The following AP1AR variants were observed in gnomAD, a reference collection of about 807,000 sequenced individuals.
AP1AR encodes AP-1 complex-associated regulatory protein.
A neutral mutation model predicts 46.3 loss-of-function variants in AP1AR; 29 were observed. The ratio of observed to expected loss-of-function variants is 0.63; its 90% CI spans 0.47 to 0.85. AP1AR has a LOEUF of 0.85. AP1AR is among the 40% of genes least tolerant of loss of function. AP1AR has a pLI of 0.00. For missense variants in AP1AR, 357 were observed against 356.3 expected (o/e 1.00, Z -0.02); for synonymous variants, 122 against 122.9 (o/e 0.99, Z 0.05).
chr4:112,258,076 G>A (rs891235780), intron 4 of AP1AR, among the ~76,000 whole-genome samples: 1 of 151,934 alleles, frequency 6.6e-6, no homozygotes, highest in Non-Finnish European at 1.5e-5. Context: ...TGATAAGTAC[G>A]TTTCTTTTAA....
intron 6 of AP1AR, 67 bp from the exon 7 acceptor site, chr4:112,264,942 A>G: frequency 3.3e-6 from 4 of 1,226,636 alleles, no homozygotes; most frequent in Non-Finnish European, 4.6e-6. Context: ...TTGGTGTTGC[A>G]TGAGTGGTTT....
At position 112,268,693 on chromosome 4, in the gene AP1AR, T is replaced by C; in HGVS notation, c.*284T>C. On this transcript the variant is annotated 3_prime_UTR_variant, in exon 10 of 10. Coordinates refer to ENST00000274000, the MANE Select transcript of AP1AR (RefSeq NM_018569.6). ...GTCTTTATAGCATTTCTGTTTACTA[T>C]GGTAGATTTCCACTTTCAATTTTTA... 1 of 255,888 alleles carries C rather than the reference T, an allele frequency of 3.9e-6. No homozygotes were observed. The highest frequency in any genetic ancestry group is 7.3e-6 in the Non-Finnish European group (1 of 136,556). 15.9% of individuals were successfully genotyped at this position (255,888 alleles called of 1,614,324 possible).
chr4:112,270,803 A>G lies in AP1AR; in HGVS notation c.*2394A>G, dbSNP rs1726916821. ...TGATGCAAGACCTTGTAGACCAAGA[A>G]TGAGTTTTATTTGATGTGTAATAGA... On this transcript the variant is annotated 3_prime_UTR_variant, in exon 10 of 10. Transcript: ENST00000274000. Among the ~76,000 whole-genome samples, 1 of 152,224 alleles carries G rather than the reference A, an allele frequency of 6.6e-6. No homozygotes were observed. Among genetic ancestry groups the G allele is most frequent in the Non-Finnish European group, 1.5e-5 (1 of 68,042 alleles).
chr4:112,254,790 T>A lies in AP1AR; in HGVS notation c.159+17T>A. The A allele has an allele frequency of 7.2e-7, 1 of 1,393,812 alleles. No individual in the cohort carries two copies. The highest frequency in any genetic ancestry group is 9.7e-7 in the Non-Finnish European group (1 of 1,029,596). The allele number at this position is 1,393,812 out of a possible 1,614,324, so 86.3% of individuals were successfully genotyped here. A position where few individuals can be genotyped will look rare whatever the true frequency, so the allele number is the denominator to read the frequency against. ...AGTGATGAAGTAAGTATTTCCATAA[T>A]AGTACAAAACTTGTATTTGTTTTTC... is the stretch of plus-strand genomic sequence containing the variant. On this transcript the variant is annotated intron_variant, in intron 3 of 9. Transcript: ENST00000274000.
chr4:112,265,947 A>G (rs1298943805), intron 8 of AP1AR, 140 bp downstream of exon 8: 1 of 571,028 alleles, frequency 1.8e-6, no homozygotes, highest in Non-Finnish European at 3.0e-6. Flanking sequence ...GGTAGTCATT[A>G]ATTATACAAC....
chr4:112,240,947 C>A (rs769435460), intron 1 of AP1AR, among the ~76,000 whole-genome samples: 1 of 152,114 alleles, frequency 6.6e-6, no homozygotes, highest in Non-Finnish European at 1.5e-5. Context: ...GCAACAGTTT[C>A]CAAAAGAAGA....
At chr4:112,256,835 A>G (rs1326371155) in intron 3 of AP1AR, among the ~76,000 whole-genome samples, 1 of 152,240 alleles carries the variant, frequency 6.6e-6, no homozygotes, top group African/African-American at 2.4e-5. Context: ...AGTTGCTGTA[A>G]ATGCTAAATT....
chr4:112,267,857 A>G (rs1261264213), intron 9 of AP1AR, among the ~76,000 whole-genome samples: 1 of 151,976 alleles, frequency 6.6e-6, no homozygotes, highest in East Asian at 1.9e-4. Context: ...GAAATCCTCC[A>G]TCCATTCTGT....
chr4:112,271,765 G>T lies in AP1AR; in HGVS notation c.*3356G>T, dbSNP rs1176644482. Among the ~76,000 whole-genome samples the T allele has an allele frequency of 6.6e-6, 1 of 152,204 alleles. No individual in the cohort carries two copies. The highest frequency in any genetic ancestry group is 1.5e-5 in the Non-Finnish European group (1 of 68,038). On this transcript the variant is annotated 3_prime_UTR_variant, in exon 10 of 10. Coordinates refer to ENST00000274000, the MANE Select transcript of AP1AR (RefSeq NM_018569.6). ...ATTTGGATGAAGATGTCAAGTAGGTGATGGGATATATGTCTGCAGCCCAAG... is the reference window on the plus strand; with the variant it reads ...ATTTGGATGAAGATGTCAAGTAGGTTATGGGATATATGTCTGCAGCCCAAG...
intron 1 of AP1AR, among the ~76,000 whole-genome samples, chr4:112,232,989 T>A (rs1725082784): frequency 6.6e-6 from 1 of 152,154 alleles, no homozygotes; most frequent in Non-Finnish European, 1.5e-5. Context: ...ATTGAAAAAA[T>A]TAGAGCAAAT....
In AP1AR at chr4:112,263,086, G is replaced by A; in HGVS notation, c.381G>A (p.Glu127=). The A allele has an allele frequency of 6.2e-7, 1 of 1,612,208 alleles. No individual in the cohort carries two copies. The highest frequency in any genetic ancestry group is 8.5e-7 in the Non-Finnish European group (1 of 1,178,992). ...ARAAKQRKLL[E]QERQRIVQQY... ...CAGCAAAGCAGCGAAAGCTCTTGGA[G>A]GTGAGGGGAAAAGACCCCAGCATAT... The change falls in exon 6 of 10, where the codon GAG becomes GAA. Residue 127 remains glutamate (E), a splice_region_variant and synonymous_variant. Transcript: ENST00000274000.
chr4:112,255,924 C>CTGGGTCTACTTTCTACA (rs1458681787), intron 3 of AP1AR, among the ~76,000 whole-genome samples: 4 of 152,192 alleles, frequency 2.6e-5, no homozygotes, highest in Non-Finnish European at 5.9e-5. Context: ...CTTAACCTCC[C>CTGGGTCTACTTTCTACA]TGGGTCTACT....
Position 112,264,186 on chromosome 4 carries a change from A to G in AP1AR, c.382-823A>G, listed in dbSNP as rs187154425. Reference sequence around the variant, plus strand: ...AAGTTTTTAACTTTTACCTTCTACTAAGAAAAGTATTTTTCTGGTTATCAT... The same window carrying G: ...AAGTTTTTAACTTTTACCTTCTACTGAGAAAAGTATTTTTCTGGTTATCAT... On this transcript the variant is annotated intron_variant, in intron 6 of 9. Transcript: ENST00000274000. Among the ~76,000 whole-genome samples, 121 of 152,282 alleles carry G rather than the reference A, an allele frequency of 7.9e-4. 1 individual carries two copies. The highest frequency in any genetic ancestry group is 6.8e-3 in the Admixed American group (104 of 15,274).
At position 112,271,348 on chromosome 4, in the gene AP1AR, G is replaced by A. The variant is rs1410898741; in HGVS notation, c.*2939G>A. Among the ~76,000 whole-genome samples the A allele has an allele frequency of 6.6e-6, 1 of 152,240 alleles. No homozygotes were observed. Among genetic ancestry groups the A allele is most frequent in the African/African-American group, 2.4e-5 (1 of 41,464 alleles). Reference sequence around the variant, plus strand: ...TTTCCAGTGACCTCACTCTCATTCAGGTGCAGATACCGACTATAAAAATGT... The same window carrying A: ...TTTCCAGTGACCTCACTCTCATTCAAGTGCAGATACCGACTATAAAAATGT... On this transcript the variant is annotated 3_prime_UTR_variant, in exon 10 of 10. Coordinates refer to ENST00000274000, the MANE Select transcript of AP1AR (RefSeq NM_018569.6).
In AP1AR at chr4:112,241,939, T is replaced by C. The variant is rs569484074; in HGVS notation, c.83+9765T>C. ...GAAGCTTTTAATTTTTAATAGACTT[T>C]GGAACAATTTACCATGATTCTTCAT... On this transcript the variant is annotated intron_variant, in intron 1 of 9. Coordinates refer to ENST00000274000, the MANE Select transcript of AP1AR (RefSeq NM_018569.6). 4.6e-5 allele frequency among the ~76,000 whole-genome samples: 7 copies of C among 152,316 alleles called. No homozygotes were observed. In the East Asian group the frequency reaches 1.2e-3, roughly 25 times the overall value.
At chr4:112,238,759 G>C (rs1725356912) in intron 1 of AP1AR, among the ~76,000 whole-genome samples, 1 of 152,108 alleles carries the variant, frequency 6.6e-6, no homozygotes, top group Non-Finnish European at 1.5e-5. Flanking sequence ...ATGCTAATAA[G>C]TTCAGTCATC....
At chr4:112,252,930 A>C (rs952629175) in intron 1 of AP1AR, among the ~76,000 whole-genome samples, 1 of 152,214 alleles carries the variant, frequency 6.6e-6, no homozygotes, top group Admixed American at 6.5e-5. Context: ...AATGTATTCT[A>C]CTCAATGTAG....
intron 1 of AP1AR, among the ~76,000 whole-genome samples, chr4:112,235,675 T>G (rs1055399182): frequency 3.3e-5 from 5 of 152,178 alleles, no homozygotes; most frequent in Non-Finnish European, 5.9e-5. Flanking sequence ...TTTCCCAAGA[T>G]AGCAGAGCTG....
At position 112,264,997 on chromosome 4, in the gene AP1AR, A is replaced by C. The variant is rs986989976; in HGVS notation, c.382-12A>C. 6.3e-7 allele frequency: 1 copy of C among 1,589,180 alleles called. No individual in the cohort carries two copies. Among genetic ancestry groups the C allele is most frequent in the Admixed American group, 1.8e-5 (1 of 54,866 alleles). On this transcript the variant is annotated splice_polypyrimidine_tract_variant and intron_variant, in intron 6 of 9. Coordinates refer to ENST00000274000, the MANE Select transcript of AP1AR (RefSeq NM_018569.6). ...ACAGAGTGATTTTTTTTATTACATTATGTTTCCAAAGCAAGAAAGGCAGAG... is the reference window on the plus strand; with the variant it reads ...ACAGAGTGATTTTTTTTATTACATTCTGTTTCCAAAGCAAGAAAGGCAGAG...
Sources: allele counts gnomAD v4.1 joint callset (sites outside exome capture counted in the v4.1 genomes callset), GRCh38; gene constraint gnomAD v4.1.1; transcripts MANE v1.5; gene names NCBI Gene and HGNC (gene_info 2026-07-23, HGNC 2026-07-21).